The following NEBL variants were observed in gnomAD, a reference collection of about 807,000 sequenced individuals.
The protein encoded by NEBL is LIM and SH3 protein 2.
Under a neutral mutation model 140.2 loss-of-function variants are expected in NEBL, and 122 were observed. That is an observed-to-expected ratio of 0.87 (90% CI 0.75 to 1.01). The LOEUF (loss-of-function observed/expected upper bound fraction) is 1.01, where lower values mean the gene tolerates loss of function less well. Among genes scored for constraint, NEBL ranks in the 50% least tolerant of loss-of-function variants. NEBL has a pLI of 0.00. For missense variants in NEBL, 1,365 were observed against 1,231.3 expected, an observed-to-expected ratio of 1.11 and a Z score of -1.62; for synonymous variants, 436 against 398.9, an observed-to-expected ratio of 1.09 and a Z score of -1.11.
At chr10:20,910,828 G>T (rs11525254) in intron 4 of NEBL, among the ~76,000 whole-genome samples, 12 of 146,616 alleles carry the variant, frequency 8.2e-5, no homozygotes, top group Middle Eastern at 3.5e-3. Context: ...TTTCGTTTTT[G>T]TTTTTTTTTT....
At chr10:21,116,357 A>G (rs1201801004) in intron 2 of NEBL, among the ~76,000 whole-genome samples, 6 of 152,060 alleles carry the variant, frequency 3.9e-5, no homozygotes, top group Non-Finnish European at 8.8e-5. Context: ...GGTACACGCA[A>G]AAAAGGTAAT....
intron 3 of NEBL, among the ~76,000 whole-genome samples, chr10:21,224,940 A>T (rs1045092414): frequency 6.6e-6 from 1 of 152,180 alleles, no homozygotes; most frequent in East Asian, 1.9e-4. Flanking sequence ...AGATCATATC[A>T]TTTACAAAGA....
At chr10:21,002,266 G>C (rs753954680) in intron 3 of NEBL, among the ~76,000 whole-genome samples, 1 of 151,904 alleles carries the variant, frequency 6.6e-6, no homozygotes, top group East Asian at 1.9e-4. Context: ...AATAATTGTA[G>C]CAGAACTTCG....
At chr10:21,076,505 G>T (rs1164273514) in intron 2 of NEBL, among the ~76,000 whole-genome samples, 1 of 137,526 alleles carries the variant, frequency 7.3e-6, no homozygotes, top group Admixed American at 7.4e-5. Context: ...AATTCTACTT[G>T]TGGGCATATA....
chr10:21,194,191 C>T (rs1029833735), intron 3 of NEBL, among the ~76,000 whole-genome samples: 36 of 152,072 alleles, frequency 2.4e-4, no homozygotes, highest in South Asian at 2.1e-4. Context: ...AGGCTGGTCT[C>T]GAACTTCTGG....
At chr10:20,807,897 G>A (rs138110708) in intron 26 of NEBL, among the ~76,000 whole-genome samples, 1 of 151,318 alleles carries the variant, frequency 6.6e-6, no homozygotes, top group African/African-American at 2.4e-5. Context: ...CCATCAGCCT[G>A]GATACAGAAA....
chr10:20,913,273 T>C (rs1848405688), intron 4 of NEBL, among the ~76,000 whole-genome samples: 1 of 152,186 alleles, frequency 6.6e-6, no homozygotes, highest in Non-Finnish European at 1.5e-5. Context: ...AGGCACCTGC[T>C]GAAGAAAAGC....
chr10:21,176,623 C>T (rs1350728861), upstream of NEBL, among the ~76,000 whole-genome samples: 1 of 152,202 alleles, frequency 6.6e-6, no homozygotes, highest in African/African-American at 2.4e-5. Flanking sequence ...CTTCTCTCTT[C>T]AATAATGATT....
chr10:21,229,699 C>G (rs1842218837), intron 3 of NEBL, among the ~76,000 whole-genome samples: 1 of 152,306 alleles, frequency 6.6e-6, no homozygotes, highest in Admixed American at 6.5e-5. Context: ...ATATATCCAA[C>G]TGAATAAAGA....
chr10:21,288,270 C>A (rs948033633), intron 1 of NEBL, among the ~76,000 whole-genome samples: 1 of 151,994 alleles, frequency 6.6e-6, no homozygotes, highest in East Asian at 1.9e-4. Context: ...GAGTTCGAGA[C>A]CAGCCTGGCC....
intron 3 of NEBL, among the ~76,000 whole-genome samples, chr10:20,999,610 G>A (rs1325800173): frequency 1.3e-5 from 2 of 151,826 alleles, no homozygotes; most frequent in East Asian, 3.9e-4. Flanking sequence ...CCTCACAAAA[G>A]AAAAAAGAAA....
At chr10:20,809,519 G>A (rs1334898164) in intron 25 of NEBL, among the ~76,000 whole-genome samples, 1 of 151,912 alleles carries the variant, frequency 6.6e-6, no homozygotes, top group Non-Finnish European at 1.5e-5. Context: ...CAGCACTTTA[G>A]TGCAATCCAA....
chr10:20,972,093 A>T (rs1251619770), intron 3 of NEBL, among the ~76,000 whole-genome samples: 1 of 152,222 alleles, frequency 6.6e-6, no homozygotes, highest in African/African-American at 2.4e-5. Context: ...GTCATTCAGA[A>T]AAGAAAAGCT....
intron 2 of NEBL, among the ~76,000 whole-genome samples, chr10:21,091,233 C>T (rs534526253): frequency 6.6e-6 from 1 of 152,180 alleles, no homozygotes; most frequent in East Asian, 1.9e-4. Context: ...TCTACACATG[C>T]AATTCCATTG....
chr10:21,189,689 G>A (rs1476995678), intron 3 of NEBL, among the ~76,000 whole-genome samples: 4 of 151,950 alleles, frequency 2.6e-5, no homozygotes, highest in Admixed American at 2.6e-4. Flanking sequence ...GGATGGTCTT[G>A]ATCTCCTGAC....
At chr10:21,188,940 A>T (rs931009189) in intron 3 of NEBL, among the ~76,000 whole-genome samples, 1 of 152,188 alleles carries the variant, frequency 6.6e-6, no homozygotes, top group African/African-American at 2.4e-5. Flanking sequence ...GATGAAAATT[A>T]CTATTGTTTT....
chr10:21,231,831 C>G (rs963230333), intron 3 of NEBL, among the ~76,000 whole-genome samples: 3 of 152,066 alleles, frequency 2.0e-5, no homozygotes, highest in African/African-American at 7.2e-5. Flanking sequence ...CGCCCTCCAA[C>G]CATGGAACAG....
At chr10:20,907,052 T>A (rs1848123089) in intron 4 of NEBL, among the ~76,000 whole-genome samples, 1 of 152,170 alleles carries the variant, frequency 6.6e-6, no homozygotes, top group Admixed American at 6.5e-5. Flanking sequence ...ATGTAGATAG[T>A]GGTGACCATG....
chr10:21,087,981 A>G (rs967179429), intron 2 of NEBL, among the ~76,000 whole-genome samples: 2 of 152,194 alleles, frequency 1.3e-5, no homozygotes, highest in African/African-American at 4.8e-5. Flanking sequence ...TACTTTATGG[A>G]GATATTATGT....
Sources: allele counts gnomAD v4.1 joint callset (sites outside exome capture counted in the v4.1 genomes callset), GRCh38; gene constraint gnomAD v4.1.1; transcripts MANE v1.5; gene names NCBI Gene and HGNC (gene_info 2026-07-23, HGNC 2026-07-21).